The following SWAP70 variants were observed in gnomAD, a reference collection of about 807,000 sequenced individuals.
SWAP70 encodes the protein switching B cell complex subunit SWAP70, also known as switch-associated protein 70.
A neutral mutation model predicts 80.2 loss-of-function variants in SWAP70; 34 were observed. That is an observed-to-expected ratio of 0.42 (90% CI 0.32 to 0.56). SWAP70 has a LOEUF of 0.56. SWAP70 is among the 20% of genes least tolerant of loss of function. The probability of loss-of-function intolerance (pLI) is 0.09; values close to 1 mark genes in which losing one functional copy is unlikely to be tolerated. For missense variants in SWAP70, 578 were observed against 690.7 expected (o/e 0.84, Z 1.83); for synonymous variants, 239 against 238.5 (o/e 1.00, Z -0.02).
chr11:9,710,484 A>G (rs11042482), intron 2 of SWAP70, among the ~76,000 whole-genome samples: 49,387 of 151,686 alleles, frequency 0.33, 8,250 homozygotes, highest in Non-Finnish European at 0.35. Context: ...GCCAACTACA[A>G]ATTAAAGTTA....
At chr11:9,689,021 A>G (rs992546349) in intron 1 of SWAP70, among the ~76,000 whole-genome samples, 8 of 152,236 alleles carry the variant, frequency 5.3e-5, no homozygotes, top group Admixed American at 1.3e-4. Context: ...AAGATTGCCC[A>G]TTATGAGTTA....
chr11:9,712,441 C>G (rs1851009879), intron 2 of SWAP70, among the ~76,000 whole-genome samples: 1 of 152,152 alleles, frequency 6.6e-6, no homozygotes, highest in African/African-American at 2.4e-5. Flanking sequence ...AAAAGTGCCT[C>G]CCAGCACTGT....
intron 1 of SWAP70, among the ~76,000 whole-genome samples, chr11:9,672,062 G>A (rs1355424275): frequency 4.8e-4 from 53 of 111,408 alleles, no homozygotes; most frequent in African/African-American, 1.7e-3. Context: ...ATATTTTATA[G>A]TATAAAATAT....
chr11:9,748,041 A>G lies in SWAP70; in HGVS notation c.1539A>G (p.Ala513=). The part of the protein sequence containing the change: ...LEQLELERKQ[A]LEQYEEVKKK... ...AGCTTGAGTTAGAACGGAAGCAAGC[A>G]CTTGAGCAGTACGAGGTAATGAGAC... Residue 513 remains alanine, a synonymous_variant, in exon 10 of 12, where the codon GCA becomes GCG. Coordinates refer to ENST00000318950, the MANE Select transcript of SWAP70 (RefSeq NM_015055.4). The G allele has an allele frequency of 6.2e-7, 1 of 1,614,090 alleles. No individual in the cohort carries two copies. Among genetic ancestry groups the G allele is most frequent in the Non-Finnish European group, 8.5e-7 (1 of 1,179,966 alleles).
At chr11:9,733,485 C>G (rs1402494960) in intron 7 of SWAP70, among the ~76,000 whole-genome samples, 16 of 152,202 alleles carry the variant, frequency 1.1e-4, no homozygotes, top group Admixed American at 1.0e-3. Context: ...GTAGAAATGC[C>G]ACATTGTGTG....
chr11:9,681,012 C>G (rs1435551451), intron 1 of SWAP70: 5 of 159,086 alleles, frequency 3.1e-5, no homozygotes, highest in Admixed American at 6.5e-5. Context: ...GTGGTTGTCC[C>G]CTTCCTCCCT....
At chr11:9,738,348 G>C in intron 8 of SWAP70, 28 bp downstream of exon 8, 1 of 1,536,530 alleles carries the variant, frequency 6.5e-7, no homozygotes, top group South Asian at 1.2e-5. Flanking sequence ...GGAGAAAGCA[G>C]CTGCAGTAGC....
At chr11:9,694,313 T>C in intron 2 of SWAP70, 27 bp downstream of exon 2, 1 of 1,579,118 alleles carries the variant, frequency 6.3e-7, no homozygotes, top group Non-Finnish European at 8.6e-7. Context: ...TTTTTGGGTG[T>C]AGCATTGTTT....
chr11:9,746,160 C>A (rs966379953), intron 9 of SWAP70, among the ~76,000 whole-genome samples: 1 of 152,236 alleles, frequency 6.6e-6, no homozygotes, highest in Admixed American at 6.5e-5. Flanking sequence ...GGAGCATCTA[C>A]ATAGCCAAGC....
intron 2 of SWAP70, among the ~76,000 whole-genome samples, chr11:9,712,948 C>T (rs980190992): frequency 3.3e-5 from 5 of 152,160 alleles, no homozygotes; most frequent in African/African-American, 9.7e-5. Flanking sequence ...CCGCCTGCCT[C>T]GGCCTCCCAG....
At chr11:9,675,022 G>T (rs567335293) in intron 1 of SWAP70, among the ~76,000 whole-genome samples, 1 of 151,928 alleles carries the variant, frequency 6.6e-6, no homozygotes, top group African/African-American at 2.4e-5. Context: ...CCTAGGCCAG[G>T]TGCAGTGGCT....
intron 1 of SWAP70, among the ~76,000 whole-genome samples, chr11:9,672,530 A>ATTTTTTTTT (rs58704706): frequency 1.1e-4 from 10 of 88,398 alleles, no homozygotes; most frequent in Non-Finnish European, 1.7e-4. Context: ...CACCTGGCTA[A>ATTTTTTTTT]TTTTTTTTTT....
chr11:9,715,164 T>G (rs1851050479), intron 3 of SWAP70, among the ~76,000 whole-genome samples: 1 of 151,772 alleles, frequency 6.6e-6, no homozygotes, highest in African/African-American at 2.4e-5. Context: ...TTTTTTGCAG[T>G]GATGGGGTCT....
intron 1 of SWAP70, among the ~76,000 whole-genome samples, chr11:9,682,966 G>A (rs1358186693): frequency 6.6e-6 from 1 of 152,234 alleles, no homozygotes; most frequent in Non-Finnish European, 1.5e-5. Flanking sequence ...GTGAGCCACT[G>A]TGCCTGGTCA....
intron 1 of SWAP70, among the ~76,000 whole-genome samples, chr11:9,676,806 C>A (rs376167998): frequency 1.3e-5 from 2 of 151,858 alleles, no homozygotes; most frequent in South Asian, 2.1e-4. Flanking sequence ...CCCGCCACCA[C>A]GCCCGGCTAA....
intron 2 of SWAP70, among the ~76,000 whole-genome samples, chr11:9,695,780 C>T (rs903949120): frequency 6.6e-6 from 1 of 151,828 alleles, no homozygotes; most frequent in Admixed American, 6.6e-5. Flanking sequence ...AAAAAAAAAT[C>T]TGGTTTCATA....
At chr11:9,745,397 G>A (rs140848612) in intron 9 of SWAP70, among the ~76,000 whole-genome samples, 1 of 152,262 alleles carries the variant, frequency 6.6e-6, no homozygotes, top group African/African-American at 2.4e-5. Context: ...GTAAAAATAA[G>A]CATTCAGAAA....
At chr11:9,746,091 T>G (rs1391436563) in intron 9 of SWAP70, among the ~76,000 whole-genome samples, 1 of 152,174 alleles carries the variant, frequency 6.6e-6, no homozygotes, top group Admixed American at 6.5e-5. Flanking sequence ...ACCGGCAAGA[T>G]GAATTCTCTA....
rs1289726469 is a variant in SWAP70, at chr11:9,750,727, AT to A, written c.*759del. On this transcript the variant is annotated 3_prime_UTR_variant, in exon 12 of 12. Coordinates refer to ENST00000318950, the MANE Select transcript of SWAP70 (RefSeq NM_015055.4). ...TTCCGAGTATGTGCTGTTAAACTAGATTGGCCGGTTCGCTTTCCATTTCCTG... is the reference window on the plus strand; with the variant it reads ...TTCCGAGTATGTGCTGTTAAACTAGATGGCCGGTTCGCTTTCCATTTCCTG... 6.6e-6 allele frequency: 1 copy of A among 152,170 alleles called. No homozygotes were observed. The highest frequency in any genetic ancestry group is 1.5e-5 in the Non-Finnish European group (1 of 68,070). 9.4% of individuals were successfully genotyped at this position (152,170 alleles called of 1,614,324 possible).
Sources: allele counts gnomAD v4.1 joint callset (sites outside exome capture counted in the v4.1 genomes callset), GRCh38; gene constraint gnomAD v4.1.1; transcripts MANE v1.5; gene names NCBI Gene and HGNC (gene_info 2026-07-23, HGNC 2026-07-21).